The following RABGAP1L variants were observed in gnomAD, a reference collection of about 807,000 sequenced individuals.
RABGAP1L encodes the protein RAB GTPase activating protein 1 like, also known as rab GTPase-activating protein 1-like.
Under a neutral mutation model 137.7 loss-of-function variants are expected in RABGAP1L, and 63 were observed. That is an observed-to-expected ratio of 0.46 (90% CI 0.37 to 0.56). The LOEUF is 0.56. RABGAP1L is among the 20% of genes least tolerant of loss of function. The pLI is 0.00. For synonymous variants in RABGAP1L, 431 were observed against 433.7 expected (o/e 0.99, Z 0.08); for missense variants, 1,095 against 1,244.0 (o/e 0.88, Z 1.80).
chr1:174,351,213 C>A (rs1683156590), intron 11 of RABGAP1L, among the ~76,000 whole-genome samples: 1 of 152,086 alleles, frequency 6.6e-6, no homozygotes, highest in Admixed American at 6.5e-5. Context: ...GTTTACAAAG[C>A]ACAATTATAG....
At chr1:174,380,497 T>C (rs1307549986) in intron 12 of RABGAP1L, among the ~76,000 whole-genome samples, 1 of 151,872 alleles carries the variant, frequency 6.6e-6, no homozygotes, top group East Asian at 1.9e-4. Flanking sequence ...AGATTCAACT[T>C]CTTCCTGGTT....
intron 13 of RABGAP1L, among the ~76,000 whole-genome samples, chr1:174,550,983 CATATATATATATACACATATATATATAT>C (rs1336562201): frequency 2.4e-5 from 2 of 83,426 alleles, no homozygotes; most frequent in South Asian, 3.3e-4. Flanking sequence ...TGTATATATA[CATATATATATATACACATATATATATAT>C]ATATATATAT....
In RABGAP1L at chr1:174,621,042, G is replaced by A. The variant is rs190258017; in HGVS notation, c.1711-16333G>A. Among the ~76,000 whole-genome samples, 404 of 152,154 alleles carry A rather than the reference G, an allele frequency of 2.7e-3. 1 individual carries two copies. The highest frequency in any genetic ancestry group is 4.8e-3 in the Non-Finnish European group (326 of 67,980). On this transcript the variant is annotated intron_variant, in intron 13 of 25. Coordinates refer to ENST00000681986, the MANE Select transcript of RABGAP1L (RefSeq NM_001366446.1). ...ATAAACTAGAAAATCTAGAAGAAATGGATAAATTCCTCGACACATACACCC... is the reference window on the plus strand; with the variant it reads ...ATAAACTAGAAAATCTAGAAGAAATAGATAAATTCCTCGACACATACACCC...
intron 13 of RABGAP1L, among the ~76,000 whole-genome samples, chr1:174,482,713 G>A (rs1431745053): frequency 6.6e-6 from 1 of 152,172 alleles, no homozygotes; most frequent in African/African-American, 2.4e-5. Context: ...CTGGGCTCAA[G>A]CAATCCTCCC....
At chr1:174,443,356 G>C (rs1284282702) in intron 13 of RABGAP1L, among the ~76,000 whole-genome samples, 2 of 151,906 alleles carry the variant, frequency 1.3e-5, no homozygotes, top group East Asian at 3.9e-4. Flanking sequence ...TGAGTGTTCT[G>C]TTTTCTCTGC....
chr1:174,980,217 A>G (rs1463799665), intron 23 of RABGAP1L, among the ~76,000 whole-genome samples: 2 of 152,180 alleles, frequency 1.3e-5, no homozygotes, highest in African/African-American at 4.8e-5. Flanking sequence ...CTAATACATT[A>G]TGAACATCTT....
chr1:174,511,949 A>T (rs1426595028), intron 13 of RABGAP1L, among the ~76,000 whole-genome samples: 1 of 152,056 alleles, frequency 6.6e-6, no homozygotes. Flanking sequence ...TAATTTTCTT[A>T]CATATTGTGA....
At position 174,981,764 on chromosome 1, in the gene RABGAP1L, CT is replaced by C. The variant is rs755794169; in HGVS notation, c.2734-1067del. Among the ~76,000 whole-genome samples the C allele has an allele frequency of 1.4e-4, 21 of 151,882 alleles. 1 individual carries two copies. Among genetic ancestry groups the C allele is most frequent in the Non-Finnish European group, 2.9e-4 (20 of 67,944 alleles). On this transcript the variant is annotated intron_variant, in intron 23 of 25. Transcript: ENST00000681986. ...AATACTTATTTATCTAGATTTTTTC[CT>C]TTGAAAGCACCTATTTCTACCATTT...
chr1:174,643,530 G>A (rs1674701351), intron 14 of RABGAP1L, among the ~76,000 whole-genome samples: 1 of 152,128 alleles, frequency 6.6e-6, no homozygotes, highest in African/African-American at 2.4e-5. Flanking sequence ...ACGGAACAGT[G>A]AATTCTTTCA....
chr1:174,477,656 T>C (rs1358555752), intron 13 of RABGAP1L, among the ~76,000 whole-genome samples: 1 of 152,218 alleles, frequency 6.6e-6, no homozygotes, highest in Non-Finnish European at 1.5e-5. Flanking sequence ...ATAACTATTT[T>C]ATGTTTAAAA....
At chr1:174,197,084 A>G (rs1428983714) in intron 1 of RABGAP1L, among the ~76,000 whole-genome samples, 2 of 152,260 alleles carry the variant, frequency 1.3e-5, no homozygotes, top group Admixed American at 1.3e-4. Context: ...AGTGATAAAC[A>G]TTAATATTTA....
chr1:174,413,907 C>T (rs1011144804), intron 13 of RABGAP1L, among the ~76,000 whole-genome samples: 3 of 150,978 alleles, frequency 2.0e-5, no homozygotes, highest in Non-Finnish European at 4.4e-5. Flanking sequence ...GCACAGTGGT[C>T]GAGCTCCCTG....
At chr1:174,908,514 A>ATAAGTAAGT (rs1659489343) in intron 19 of RABGAP1L, among the ~76,000 whole-genome samples, 1 of 151,368 alleles carries the variant, frequency 6.6e-6, no homozygotes, top group Admixed American at 6.6e-5. Flanking sequence ...AACACATTAA[A>ATAAGTAAGT]TAAGTAAGTT....
At chr1:174,963,816 G>A (rs1186916940) in intron 20 of RABGAP1L, among the ~76,000 whole-genome samples, 2 of 151,914 alleles carry the variant, frequency 1.3e-5, no homozygotes, top group Non-Finnish European at 2.9e-5. Flanking sequence ...TAGACCATGC[G>A]ACCTGCAAAG....
At chr1:174,257,552 A>G (rs2148618095) in intron 7 of RABGAP1L, among the ~76,000 whole-genome samples, 1 of 152,298 alleles carries the variant, frequency 6.6e-6, no homozygotes, top group East Asian at 1.9e-4. Flanking sequence ...TCATACAACA[A>G]TTTTATCAGA....
chr1:174,866,010 C>T (rs753386613), intron 19 of RABGAP1L, among the ~76,000 whole-genome samples: 162 of 150,074 alleles, frequency 1.1e-3, no homozygotes, highest in Non-Finnish European at 1.5e-3. Flanking sequence ...TTATCTGATA[C>T]AAAGACAATA....
chr1:174,659,709 A>T (rs1676230120), intron 14 of RABGAP1L, among the ~76,000 whole-genome samples: 1 of 152,156 alleles, frequency 6.6e-6, no homozygotes, highest in Non-Finnish European at 1.5e-5. Flanking sequence ...TTATATATTC[A>T]ATTGCCTATT....
intron 14 of RABGAP1L, among the ~76,000 whole-genome samples, chr1:174,680,540 A>G (rs977313883): frequency 6.6e-6 from 1 of 152,190 alleles, no homozygotes; most frequent in Non-Finnish European, 1.5e-5. Flanking sequence ...TCCAGAATGG[A>G]CTCAGACAGA....
intron 19 of RABGAP1L, among the ~76,000 whole-genome samples, chr1:174,866,108 G>GGGGA (rs1558165744): frequency 2.7e-5 from 3 of 110,706 alleles, no homozygotes; most frequent in African/African-American, 1.1e-4. Context: ...AGGGAGGGAG[G>GGGGA]GGGAGAGAGA....
Sources: allele counts gnomAD v4.1 joint callset (sites outside exome capture counted in the v4.1 genomes callset), GRCh38; gene constraint gnomAD v4.1.1; transcripts MANE v1.5; gene names NCBI Gene and HGNC (gene_info 2026-07-23, HGNC 2026-07-21).